Variants in ATG9B observed in about 807,000 individuals in gnomAD.
The protein encoded by ATG9B is autophagy-related protein 9B.
Under a neutral mutation model 92.9 loss-of-function variants are expected in ATG9B, and 92 were observed. The observed-to-expected ratio is 0.99, with a 90% CI of 0.84 to 1.18. The LOEUF is 1.18. ATG9B is among the 50% of genes most tolerant of loss of function. The pLI is 0.00. For missense variants in ATG9B, 1,344 were observed against 1,235.0 expected (o/e 1.09, Z -1.32); for synonymous variants, 599 against 551.4 (o/e 1.09, Z -1.21).
chr7:151,017,964 G>A lies in ATG9B; in HGVS notation c.1959C>T (p.Ile653=). 4 of 1,608,122 alleles carry A rather than the reference G, an allele frequency of 2.5e-6. No individual in the cohort carries two copies. Among genetic ancestry groups the A allele is most frequent in the Non-Finnish European group, 2.5e-6 (3 of 1,177,066 alleles). The change falls in exon 8 of 14, where the codon ATC becomes ATT. Residue 653 remains isoleucine, a synonymous_variant. Transcript: ENST00000639579. ...FWFRPRALEI[I]DFFHHFTVDV... is the part of the protein sequence containing the mutation. ...CCACAGTGAAGTGATGAAAAAAGTC[G>A]ATAATCTCCAGGGCACGAGGGCGGA...
chr7:151,020,925 T>C (rs1795721995), intron 5 of ATG9B: 1 of 359,994 alleles, frequency 2.8e-6, no homozygotes, highest in African/African-American at 2.1e-5. Context: ...CTAATCAATG[T>C]TTTTAGCACA....
chr7:151,021,689 G>A (rs1445681769), intron 4 of ATG9B, among the ~76,000 whole-genome samples: 3 of 147,666 alleles, frequency 2.0e-5, no homozygotes, highest in East Asian at 2.0e-4. Context: ...TTGCTGTGTC[G>A]CCCAGGCTGG....
rs1230070882 is a variant in ATG9B, at chr7:151,018,705, G to A, written c.1633C>T (p.Leu545Phe). 2 of 1,600,760 alleles carry A rather than the reference G, an allele frequency of 1.2e-6. No homozygotes were observed. Among genetic ancestry groups the A allele is most frequent in the Non-Finnish European group, 1.7e-6 (2 of 1,176,188 alleles). Reference sequence around the variant, plus strand: ...AGCACGTCCTCGTCGTAGACGGTGAGCACAAGCAGCGCGGCGAAGAGTGCA... The same window carrying A: ...AGCACGTCCTCGTCGTAGACGGTGAACACAAGCAGCGCGGCGAAGAGTGCA... Reference protein sequence around the residue: ...AGALFAALLVLTVYDEDVLAV... With the variant: ...AGALFAALLVFTVYDEDVLAV... The change falls in exon 6 of 14, where the codon CTC becomes TTC. Residue 545 changes from leucine to phenylalanine, a missense_variant. By Grantham distance (22) the Leu-to-Phe change is conservative (BLOSUM62 0). Coordinates refer to ENST00000639579, the MANE Select transcript of ATG9B (RefSeq NM_001317056.2). The surrounding 1 kb of genome is among the most constrained non-coding windows in gnomAD (Gnocchi z 4.7).
At position 151,024,026 on chromosome 7, in the gene ATG9B, C is replaced by T. The variant is rs2117179945; in HGVS notation, c.398G>A (p.Cys133Tyr). 6.3e-7 allele frequency: 1 copy of T among 1,592,254 alleles called. No homozygotes were observed. ...APATPTPSQQCPQDSPGLRVG... is the reference protein window; with the variant it reads ...APATPTPSQQYPQDSPGLRVG... ...CCGCAGCCCAGGAGAGTCCTGGGGG[C>T]ACTGCTGTGAGGGAGTGGGGGTTGC... Residue 133 changes from cysteine to tyrosine, a missense_variant, in exon 1 of 14, where the codon TGC becomes TAC. Transcript: ENST00000639579.
Position 151,023,960 on chromosome 7 carries a change from TCCAG to T in ATG9B, c.460_463del (p.Leu154ArgfsTer105). The T allele has an allele frequency of 6.3e-7, 1 of 1,588,298 alleles. No homozygotes were observed. Among genetic ancestry groups the T allele is most frequent in the Middle Eastern group, 1.7e-4 (1 of 6,024 alleles). On this transcript the variant is annotated frameshift_variant, in exon 1 of 14. Transcript: ENST00000639579. LOFTEE classifies it high-confidence loss of function. ...TTGGGACCCCTCAGGGTCACAGTCC[TCCAG>T]CCGCTCATAATCCTGTTCAGGGATC...
rs1795615146 is a variant in ATG9B, at chr7:151,018,678, C to G, written c.1660G>C (p.Ala554Pro). The G allele has an allele frequency of 4.4e-6, 7 of 1,605,808 alleles. No individual in the cohort carries two copies. Among genetic ancestry groups the G allele is most frequent in the African/African-American group, 1.3e-5 (1 of 74,196 alleles). The part of the protein sequence containing the change: ...VLTVYDEDVL[A>P]VEHVLTAMTA... ...ATGGCGGTGAGCACGTGCTCCACGG[C>G]TAGCACGTCCTCGTCGTAGACGGTG... is the stretch of plus-strand genomic sequence containing the variant. Residue 554 changes from alanine to proline, a missense_variant, in exon 6 of 14, where the codon GCC becomes CCC. Transcript: ENST00000639579. The surrounding 1 kb of genome is among the most constrained non-coding windows in gnomAD (Gnocchi z 4.7).
rs918303262 is a variant in ATG9B at position 151,023,768 on chromosome 7, G to C, written c.551-38C>G. 5 of 1,613,466 alleles carry C rather than the reference G, an allele frequency of 3.1e-6. No individual in the cohort carries two copies. In the African/African-American group the frequency reaches 6.7e-5, roughly 22 times the overall value. On this transcript the variant is annotated intron_variant, in intron 1 of 13. Coordinates refer to ENST00000639579, the MANE Select transcript of ATG9B (RefSeq NM_001317056.2). ...GGGAGAGTGTCAGCCCCTGGCATGT[G>C]ATCAATTCTCCACGTTCTCAACCCG... is the stretch of plus-strand genomic sequence containing the variant.
rs1584930316 is a variant in ATG9B, at chr7:151,021,275, C to G, written c.876G>C (p.Trp292Cys). 5.6e-6 allele frequency: 9 copies of G among 1,613,358 alleles called. No homozygotes were observed. The East Asian group carries it at 1.8e-4, about 32-fold the overall frequency. The change falls in exon 5 of 14, where the codon TGG becomes TGC. Residue 292 changes from tryptophan (W) to cysteine (C), a missense_variant. Physicochemically the swap from Trp to Cys is radical, Grantham distance 215. Coordinates refer to ENST00000639579, the MANE Select transcript of ATG9B (RefSeq NM_001317056.2). ...VLLLVLAAGF[W>C]LVQLLRSVCN... ...AGACTGAGCGAAGCAGTTGGACCAG[C>G]CAGAAGCCGGCAGCCAGGACCAGGA... is the stretch of plus-strand genomic sequence containing the variant.
downstream of ATG9B, chr7:151,013,027 G>A (rs1435194623): frequency 6.9e-6 from 4 of 576,876 alleles, no homozygotes; most frequent in Non-Finnish European, 1.2e-5. Context: ...CACCTCACCC[G>A]CGCTTCCCTT....
At chr7:151,016,923 T>TG (rs1456982006) in intron 9 of ATG9B, 102 bp from the exon 10 acceptor site, 1 of 1,510,168 alleles carries the variant, frequency 6.6e-7, no homozygotes, top group Non-Finnish European at 8.9e-7. Context: ...GAGAGCAGGC[T>TG]GGGGGCGGGG....
In ATG9B at chr7:151,019,241, T is replaced by C. The variant is rs766787777; in HGVS notation, c.1097A>G (p.Asn366Ser). The C allele has an allele frequency of 1.2e-5, 19 of 1,558,968 alleles. No individual in the cohort carries two copies. Among genetic ancestry groups the C allele is most frequent in the Non-Finnish European group, 1.6e-5 (19 of 1,158,520 alleles). Residue 366 changes from asparagine to serine, a missense_variant, in exon 6 of 14, where the codon AAC (asparagine) becomes AGC (serine). Transcript: ENST00000639579. The part of the protein sequence containing the change: ...DIHHRILRYT[N>S]YQVALANKGL... Reference sequence around the variant, plus strand: ...TTTGTTGGCCAGCGCCACCTGGTAGTTGGTGTAGCGCAGGATGCGGTGGTG... The same window carrying C: ...TTTGTTGGCCAGCGCCACCTGGTAGCTGGTGTAGCGCAGGATGCGGTGGTG...
At chr7:151,012,408 A>C, downstream of ATG9B, 1 of 1,605,564 alleles carries the variant, frequency 6.2e-7, no homozygotes, top group Non-Finnish European at 8.5e-7. Context: ...TGGTGGGTCC[A>C]GGCACTGGCA....
rs1437014346 is a variant in ATG9B at position 151,018,262 on chromosome 7, C to T, written c.1872+32G>A. On this transcript the variant is annotated intron_variant, in intron 7 of 13. Coordinates refer to ENST00000639579, the MANE Select transcript of ATG9B (RefSeq NM_001317056.2). The surrounding 1 kb of genome is among the most constrained non-coding windows in gnomAD (Gnocchi z 4.7). ...TCCGCGCAGACAGACCCCACAACTT[C>T]CTCCTCAGCCCGCCGTCGCGCCCAC... 6.6e-6 allele frequency: 10 copies of T among 1,516,014 alleles called. No individual in the cohort carries two copies. The South Asian group carries it at 1.3e-4, about 20-fold the overall frequency. The allele number at this position is 1,516,014 out of a possible 1,614,324, so 93.9% of individuals were successfully genotyped here.
chr7:151,014,188 T>TGAGAACTC, downstream of ATG9B: 1 of 1,587,368 alleles, frequency 6.3e-7, no homozygotes, highest in Non-Finnish European at 8.6e-7. Flanking sequence ...TGGCTTTCCC[T>TGAGAACTC]TCCAGTTCCG....
rs761769853 is a variant in ATG9B, at chr7:151,018,700, G to C, written c.1638C>G (p.Thr546=). 1 of 1,602,974 alleles carries C rather than the reference G, an allele frequency of 6.2e-7. No homozygotes were observed. Among genetic ancestry groups the C allele is most frequent in the Non-Finnish European group, 8.5e-7 (1 of 1,177,124 alleles). The change falls in exon 6 of 14, where the codon ACC becomes ACG. Residue 546 remains threonine, a synonymous_variant. Transcript: ENST00000639579. This position sits in a 1 kb window ranked among gnomAD's most constrained non-coding sequence, Gnocchi z 4.7. ...GALFAALLVL[T]VYDEDVLAVE... The stretch of plus-strand genomic sequence containing the variant: ...CGGCTAGCACGTCCTCGTCGTAGAC[G>C]GTGAGCACAAGCAGCGCGGCGAAGA...
intron 4 of ATG9B, 103 bp downstream of exon 4, chr7:151,022,942 T>G (rs1584932595): frequency 1.9e-4 from 274 of 1,476,010 alleles, no homozygotes; most frequent in Non-Finnish European, 2.3e-4. Context: ...CCAAAAGCTT[T>G]GAGAACTGCT....
chr7:151,013,052 G>A (rs1795341384), downstream of ATG9B: 5 of 660,484 alleles, frequency 7.6e-6, no homozygotes, highest in South Asian at 1.0e-4. Context: ...CTGTAAATCA[G>A]GGCTGTGCAG....
In ATG9B at chr7:151,021,314, C is replaced by T. The variant is rs545412342; in HGVS notation, c.837G>A (p.Pro279=). 7.8e-5 allele frequency: 125 copies of T among 1,608,960 alleles called. No homozygotes were observed. The East Asian group carries it at 1.8e-3, about 23-fold the overall frequency. Residue 279 remains proline, a synonymous_variant, in exon 5 of 14, where the codon CCG becomes CCA. Transcript: ENST00000639579. Reference sequence around the variant, plus strand: ...CCAGGACCAGGAGGAGGACCAGCAGCGGGCTGGAGCGGATCCTGTATGGGG... The same window carrying T: ...CCAGGACCAGGAGGAGGACCAGCAGTGGGCTGGAGCGGATCCTGTATGGGG... ...AQCAERIRSS[P]LLVLLLVLAA...
downstream of ATG9B, chr7:151,012,597 G>T: frequency 8.1e-7 from 1 of 1,235,528 alleles, no homozygotes; most frequent in Admixed American, 2.4e-5. Context: ...CTGAAAAGAC[G>T]CTCATGAGAC....
Sources: gnomAD v4.1 joint callset for allele counts (sites outside exome capture counted in the v4.1 genomes callset) on GRCh38, gnomAD v4.1.1 for gene constraint, Gnocchi (gnomAD v3.1) non-coding constraint, MANE v1.5 for transcripts, NCBI Gene and HGNC (gene_info 2026-07-23, HGNC 2026-07-21) for gene names.